Variants in PAPPA observed in about 807,000 individuals in gnomAD.
PAPPA encodes the protein pappalysin-1.
Under a neutral mutation model 164.0 loss-of-function variants are expected in PAPPA, and 60 were observed. That is an observed-to-expected ratio of 0.37 (90% CI 0.30 to 0.45). The LOEUF is 0.45. Among genes scored for constraint, PAPPA ranks in the 20% least tolerant of loss-of-function variants. The pLI is 1.00. For synonymous variants in PAPPA, 875 were observed against 814.1 expected, an observed-to-expected ratio of 1.07 and a Z score of -1.27; for missense variants, 1,782 against 2,087.3, an observed-to-expected ratio of 0.85 and a Z score of 2.85.
chr9:116,343,020 GACGTTCTAGTC>G, intron 13 of PAPPA, among the ~76,000 whole-genome samples: 1 of 152,154 alleles, frequency 6.6e-6, no homozygotes. Context: ...TGCCCTCAAG[GACGTTCTAGTC>G]CAGAAACATG....
At chr9:116,355,515 C>A (rs1846341317) in intron 17 of PAPPA, among the ~76,000 whole-genome samples, 1 of 152,188 alleles carries the variant, frequency 6.6e-6, no homozygotes, top group Non-Finnish European at 1.5e-5. Flanking sequence ...CCATCCTTGA[C>A]TGCCAGGGAG....
chr9:116,278,294 G>A lies in PAPPA; in HGVS notation c.2953+6878G>A, dbSNP rs529604795. 1.7e-3 allele frequency among the ~76,000 whole-genome samples: 252 copies of A among 152,290 alleles called. 2 individuals carry two copies. The highest frequency in any genetic ancestry group is 3.5e-3 in the Admixed American group (53 of 15,292). The stretch of plus-strand genomic sequence containing the variant: ...ATTTTGCTGGTCAGAAAATTGAGGC[G>A]TTGAGAGGTTAAGTGAATATCCAAA... On this transcript the variant is annotated intron_variant, in intron 9 of 21. Coordinates refer to ENST00000328252, the MANE Select transcript of PAPPA (RefSeq NM_002581.5).
chr9:116,309,780 A>G (rs1845692721), intron 10 of PAPPA, among the ~76,000 whole-genome samples: 1 of 152,168 alleles, frequency 6.6e-6, no homozygotes, highest in East Asian at 1.9e-4. Flanking sequence ...GGAACTTGAC[A>G]TTATCCTGAG....
intron 19 of PAPPA, among the ~76,000 whole-genome samples, chr9:116,368,190 A>G (rs1455291900): frequency 2.6e-5 from 4 of 152,174 alleles, no homozygotes; most frequent in African/African-American, 9.7e-5. Flanking sequence ...TACATAGCCT[A>G]GGTTTCTGGT....
At chr9:116,284,343 C>T (rs1217333402) in intron 9 of PAPPA, among the ~76,000 whole-genome samples, 1 of 152,094 alleles carries the variant, frequency 6.6e-6, no homozygotes, top group Non-Finnish European at 1.5e-5. Flanking sequence ...TCTTATCTGG[C>T]TCTTTCTTGA....
Position 116,377,678 on chromosome 9 carries a change from C to T in PAPPA, c.4677+31C>T, listed in dbSNP as rs752536972. The stretch of plus-strand genomic sequence containing the variant: ...TCACAAGGAAGGCACTCCTCAGTTC[C>T]CTGGAAATAATCCTGCTGTTGTTAT... On this transcript the variant is annotated intron_variant, in intron 20 of 21. Transcript: ENST00000328252. The T allele has an allele frequency of 2.7e-6, 4 of 1,488,038 alleles. No homozygotes were observed. The Admixed American group carries it at 6.7e-5, about 25-fold the overall frequency. The allele number at this position is 1,488,038 out of a possible 1,614,324, so 92.2% of individuals were successfully genotyped here.
At chr9:116,166,310 G>A (rs774032184) in intron 1 of PAPPA, among the ~76,000 whole-genome samples, 7 of 152,094 alleles carry the variant, frequency 4.6e-5, no homozygotes, top group Non-Finnish European at 1.0e-4. Context: ...CTTGGTCTTC[G>A]CCTCTCAGCC....
chr9:116,248,348 A>G (rs1393020628), intron 7 of PAPPA, among the ~76,000 whole-genome samples: 1 of 152,216 alleles, frequency 6.6e-6, no homozygotes, highest in Non-Finnish European at 1.5e-5. Flanking sequence ...TGGGTCCCCA[A>G]CTGTGGGCCC....
intron 7 of PAPPA, among the ~76,000 whole-genome samples, chr9:116,242,574 G>A (rs1844748831): frequency 6.6e-6 from 1 of 152,232 alleles, no homozygotes; most frequent in South Asian, 2.1e-4. Context: ...TACCCTTAAT[G>A]GTGGGCATTT....
intron 1 of PAPPA, among the ~76,000 whole-genome samples, chr9:116,162,223 G>T (rs942252602): frequency 6.6e-6 from 1 of 152,168 alleles, no homozygotes; most frequent in Admixed American, 6.5e-5. Context: ...GTATGGGACT[G>T]CCCTACATAT....
At chr9:116,312,438 G>A (rs1336016942) in intron 10 of PAPPA, among the ~76,000 whole-genome samples, 1 of 152,058 alleles carries the variant, frequency 6.6e-6, no homozygotes, top group Admixed American at 6.5e-5. Flanking sequence ...GGGCTGTAAT[G>A]CACTTAGGAA....
intron 7 of PAPPA, among the ~76,000 whole-genome samples, chr9:116,254,492 T>G (rs765787466): frequency 2.0e-5 from 3 of 152,108 alleles, no homozygotes; most frequent in Non-Finnish European, 4.4e-5. Context: ...CGTAGAAAGA[T>G]ACTGAAAGGG....
rs1014760012 is a variant in PAPPA, at chr9:116,198,846, A to G, written c.1479-8610A>G. ...AAGTAGTGTGCTTTATTCTGAGATT[A>G]TTTTTTCTTTTGGAGTGCTACTCAA... On this transcript the variant is annotated intron_variant, in intron 2 of 21. Coordinates refer to ENST00000328252, the MANE Select transcript of PAPPA (RefSeq NM_002581.5). 9.1e-4 allele frequency among the ~76,000 whole-genome samples: 138 copies of G among 152,104 alleles called. 1 individual carries two copies. Among genetic ancestry groups the G allele is most frequent in the African/African-American group, 3.3e-3 (135 of 41,510 alleles).
At position 116,187,089 on chromosome 9, in the gene PAPPA, ATAACT is replaced by A. The variant is rs945774451; in HGVS notation, c.416-60_416-56del. 2.5e-6 allele frequency: 3 copies of A among 1,186,344 alleles called. No individual in the cohort carries two copies. The highest frequency in any genetic ancestry group is 1.5e-5 in the African/African-American group (1 of 66,054). The allele number at this position is 1,186,344 out of a possible 1,614,324, so 73.5% of individuals were successfully genotyped here. A position where few individuals can be genotyped will look rare whatever the true frequency, so the allele number is the denominator to read the frequency against. ...CTGATACAAATTTTATTAGAGAAAA[ATAACT>A]TAACCCCCCCTCCTTTTCCATCCTT... On this transcript the variant is annotated intron_variant, in intron 1 of 21. Coordinates refer to ENST00000328252, the MANE Select transcript of PAPPA (RefSeq NM_002581.5). This position sits in a 1 kb window ranked among gnomAD's most constrained non-coding sequence, Gnocchi z 4.2.
In PAPPA at chr9:116,396,685, G is replaced by C; in HGVS notation, c.*69G>C. On this transcript the variant is annotated 3_prime_UTR_variant, in exon 22 of 22. Transcript: ENST00000328252. ...ACATCCCTTTGGTATTGATTTCACAGTCAGCTGCTCAACGGAATGGCCTCT... is the reference window on the plus strand; with the variant it reads ...ACATCCCTTTGGTATTGATTTCACACTCAGCTGCTCAACGGAATGGCCTCT... 1.3e-6 allele frequency: 1 copy of C among 745,858 alleles called. No homozygotes were observed. Among genetic ancestry groups the C allele is most frequent in the South Asian group, 1.4e-5 (1 of 69,056 alleles). The allele number at this position is 745,858 out of a possible 1,614,324, so 46.2% of individuals were successfully genotyped here. A position where few individuals can be genotyped will look rare whatever the true frequency, so the allele number is the denominator to read the frequency against.
intron 17 of PAPPA, among the ~76,000 whole-genome samples, 168 bp downstream of exon 17, chr9:116,353,961 T>A (rs1846318804): frequency 6.6e-6 from 1 of 152,050 alleles, no homozygotes; most frequent in Admixed American, 6.5e-5. Context: ...AGCTTTGAAT[T>A]TTTTTTTAAG....
chr9:116,243,684 G>A (rs1844762599), intron 7 of PAPPA, among the ~76,000 whole-genome samples: 1 of 152,070 alleles, frequency 6.6e-6, no homozygotes, highest in African/African-American at 2.4e-5. Flanking sequence ...ATTTCCAAAA[G>A]CAATAGAATA....
Position 116,271,519 on chromosome 9 carries a change from C to T in PAPPA, c.2953+103C>T. ...ATAGTTATGACTAAATGATGATTCACTCCTTTGTATTACACCTGTTTATTG... is the reference window on the plus strand; with the variant it reads ...ATAGTTATGACTAAATGATGATTCATTCCTTTGTATTACACCTGTTTATTG... On this transcript the variant is annotated intron_variant, in intron 9 of 21. Transcript: ENST00000328252. This position sits in a 1 kb window ranked among gnomAD's most constrained non-coding sequence, Gnocchi z 4.2. 4 of 852,068 alleles carry T rather than the reference C, an allele frequency of 4.7e-6. No individual in the cohort carries two copies. The highest frequency in any genetic ancestry group is 8.0e-6 in the Non-Finnish European group (4 of 502,654). The allele number at this position is 852,068 out of a possible 1,614,324, so 52.8% of individuals were successfully genotyped here.
At chr9:116,218,868 G>A (rs1303358271) in intron 4 of PAPPA, among the ~76,000 whole-genome samples, 1 of 152,170 alleles carries the variant, frequency 6.6e-6, no homozygotes, top group Non-Finnish European at 1.5e-5. Context: ...ATCCTCTTCT[G>A]TACGATAAGG....
Sources: allele counts gnomAD v4.1 joint callset (sites outside exome capture counted in the v4.1 genomes callset), GRCh38; gene constraint gnomAD v4.1.1; non-coding constraint Gnocchi (gnomAD v3.1); transcripts MANE v1.5; gene names NCBI Gene and HGNC (gene_info 2026-07-23, HGNC 2026-07-21).